The following PTPRD variants were observed in gnomAD, a reference collection of about 807,000 sequenced individuals.
The protein encoded by PTPRD is receptor-type tyrosine-protein phosphatase delta.
Under a neutral mutation model 214.5 loss-of-function variants are expected in PTPRD, and 34 were observed. That is an observed-to-expected ratio of 0.16 (90% CI 0.12 to 0.21). PTPRD has a LOEUF of 0.21. Among genes scored for constraint, PTPRD ranks in the 10% least tolerant of loss-of-function variants. PTPRD has a pLI of 1.00. For missense variants in PTPRD, 2,545 were observed against 2,398.7 expected (o/e 1.06, Z -1.27); for synonymous variants, 1,128 against 845.7 (o/e 1.33, Z -5.79).
In PTPRD at chr9:8,316,168, C is replaced by A. The variant is rs1821615161; in HGVS notation, c.*1706G>T. On this transcript the variant is annotated 3_prime_UTR_variant, in exon 46 of 46. Coordinates refer to ENST00000381196, the MANE Select transcript of PTPRD (RefSeq NM_002839.4). ...ATTATCCAAGTGCTTTGGGCTGGTA[C>A]AATCACTAACATCCCCGACTTGGCT... 2 of 229,756 alleles carry A rather than the reference C, an allele frequency of 8.7e-6. No homozygotes were observed. Among genetic ancestry groups the A allele is most frequent in the South Asian group, 1.8e-4 (1 of 5,486 alleles). 14.2% of individuals were successfully genotyped at this position (229,756 alleles called of 1,614,324 possible). A position where few individuals can be genotyped will look rare whatever the true frequency, so the allele number is the denominator to read the frequency against.
chr9:9,898,551 A>T (rs1333917086), intron 5 of PTPRD, among the ~76,000 whole-genome samples: 2 of 152,106 alleles, frequency 1.3e-5, no homozygotes, highest in Non-Finnish European at 2.9e-5. Context: ...CTAGATGCGC[A>T]TGCTATTTCA....
At chr9:9,505,010 C>T (rs369536869) in intron 8 of PTPRD, among the ~76,000 whole-genome samples, 2 of 151,720 alleles carry the variant, frequency 1.3e-5, no homozygotes, top group South Asian at 2.1e-4. Context: ...ACTACTTAGA[C>T]TAGCTGGAAC....
At chr9:9,867,176 A>T (rs946810405) in intron 5 of PTPRD, among the ~76,000 whole-genome samples, 1 of 152,130 alleles carries the variant, frequency 6.6e-6, no homozygotes, top group African/African-American at 2.4e-5. Flanking sequence ...ACTGGTAAGG[A>T]TTAAGGATTA....
chr9:9,979,420 G>C (rs1203913296), intron 4 of PTPRD, among the ~76,000 whole-genome samples: 3 of 151,944 alleles, frequency 2.0e-5, no homozygotes, highest in Non-Finnish European at 4.4e-5. Flanking sequence ...AAATTGAATA[G>C]TGGTAGTTAT....
Position 8,518,446 on chromosome 9 carries a change from T to C in PTPRD, c.962-17A>G, listed in dbSNP as rs774369806. On this transcript the variant is annotated splice_polypyrimidine_tract_variant and intron_variant, in intron 20 of 45. Transcript: ENST00000381196. ...TGGGTAAGGCTTGGATGGGGGAAGA[T>C]AAAAGACAATGACTACCCATCATCC... 4.6e-5 allele frequency: 70 copies of C among 1,533,180 alleles called. 1 individual carries two copies. The South Asian group carries it at 5.6e-4, about 12-fold the overall frequency. The allele number at this position is 1,533,180 out of a possible 1,614,324, so 95.0% of individuals were successfully genotyped here. A position where few individuals can be genotyped will look rare whatever the true frequency, so the allele number is the denominator to read the frequency against.
chr9:8,342,073 A>G, intron 39 of PTPRD, 95 bp from the exon 40 acceptor site: 1 of 1,247,020 alleles, frequency 8.0e-7, no homozygotes, highest in African/African-American at 1.5e-5. Context: ...ACTAGACCTT[A>G]CATCCATTAC....
intron 9 of PTPRD, among the ~76,000 whole-genome samples, chr9:9,326,727 T>C (rs1010452445): frequency 1.3e-5 from 2 of 151,528 alleles, no homozygotes; most frequent in Admixed American, 6.6e-5. Context: ...GGATTGAAGG[T>C]AGAAGAATCT....
intron 4 of PTPRD, among the ~76,000 whole-genome samples, chr9:9,977,489 A>G (rs140538130): frequency 6.6e-6 from 1 of 152,298 alleles, no homozygotes; most frequent in East Asian, 1.9e-4. Flanking sequence ...ATTCATAAAC[A>G]TATTATCATA....
intron 4 of PTPRD, among the ~76,000 whole-genome samples, chr9:9,963,551 G>A (rs2094493755): frequency 6.6e-6 from 1 of 152,106 alleles, no homozygotes; most frequent in South Asian, 2.1e-4. Flanking sequence ...AAATACAGTG[G>A]CAACGTCACT....
chr9:10,143,041 G>A (rs575810082), intron 3 of PTPRD, among the ~76,000 whole-genome samples: 12 of 151,992 alleles, frequency 7.9e-5, no homozygotes, highest in South Asian at 6.2e-4. Context: ...ACCAAACACC[G>A]CATATTGTCA....
At chr9:8,370,090 TGACCTCTTAA>T (rs1243202029) in intron 39 of PTPRD, among the ~76,000 whole-genome samples, 1 of 152,050 alleles carries the variant, frequency 6.6e-6, no homozygotes, top group African/African-American at 2.4e-5. Flanking sequence ...ATGTAATCCA[TGACCTCTTAA>T]GAAAATCTCA....
intron 3 of PTPRD, among the ~76,000 whole-genome samples, chr9:10,333,027 G>A (rs1049371115): frequency 1.3e-5 from 2 of 151,892 alleles, no homozygotes; most frequent in Non-Finnish European, 2.9e-5. Context: ...GATCATGGAT[G>A]TATCTTAACA....
intron 4 of PTPRD, among the ~76,000 whole-genome samples, chr9:9,947,135 G>C (rs941853437): frequency 2.0e-5 from 3 of 148,356 alleles, no homozygotes; most frequent in African/African-American, 5.0e-5. Flanking sequence ...CCTTTATCAT[G>C]TATTCCTATA....
chr9:8,318,942 T>C (rs1306393198), intron 45 of PTPRD, among the ~76,000 whole-genome samples: 1 of 152,098 alleles, frequency 6.6e-6, no homozygotes, highest in Non-Finnish European at 1.5e-5. Flanking sequence ...AAATGTGCAT[T>C]TTTCTGTAAT....
At chr9:10,414,159 TAA>T (rs2098464779) in intron 2 of PTPRD, among the ~76,000 whole-genome samples, 1 of 151,758 alleles carries the variant, frequency 6.6e-6, no homozygotes, top group Admixed American at 6.6e-5. Context: ...ATCAGCAGAG[TAA>T]AGAGACAACC....
chr9:10,171,222 C>A (rs1007926743), intron 3 of PTPRD, among the ~76,000 whole-genome samples: 2 of 152,038 alleles, frequency 1.3e-5, no homozygotes, highest in Admixed American at 6.6e-5. Context: ...TGGCTGTGTC[C>A]CCACCCAAAT....
intron 7 of PTPRD, among the ~76,000 whole-genome samples, chr9:9,714,965 C>A (rs554673263): frequency 1.3e-4 from 20 of 152,258 alleles, no homozygotes; most frequent in African/African-American, 3.9e-4. Flanking sequence ...GGCTTATGTT[C>A]ATGACTATTG....
At chr9:10,398,664 C>T (rs911822919) in intron 2 of PTPRD, among the ~76,000 whole-genome samples, 4 of 151,828 alleles carry the variant, frequency 2.6e-5, no homozygotes, top group East Asian at 3.9e-4. Flanking sequence ...CTAACTTCAC[C>T]GTGTTGTTAT....
At chr9:9,505,411 T>A (rs192146071) in intron 8 of PTPRD, among the ~76,000 whole-genome samples, 1 of 151,546 alleles carries the variant, frequency 6.6e-6, no homozygotes, top group Non-Finnish European at 1.5e-5. Context: ...TTGCTCAATA[T>A]AGGATGTAAA....
Sources: gnomAD v4.1 joint callset for allele counts (sites outside exome capture counted in the v4.1 genomes callset) on GRCh38, gnomAD v4.1.1 for gene constraint, MANE v1.5 for transcripts, NCBI Gene and HGNC (gene_info 2026-07-23, HGNC 2026-07-21) for gene names.